The following MTUS2 variants were observed in gnomAD, a reference collection of about 807,000 sequenced individuals.
The protein encoded by MTUS2 is microtubule associated scaffold protein 2.
A neutral mutation model predicts 114.1 loss-of-function variants in MTUS2; 40 were observed. That is an observed-to-expected ratio of 0.35 (90% CI 0.27 to 0.46). MTUS2 has a LOEUF of 0.46. Among genes scored for constraint, MTUS2 ranks in the 20% least tolerant of loss-of-function variants. MTUS2 has a pLI of 1.00. For synonymous variants in MTUS2, 688 were observed against 672.0 expected, an observed-to-expected ratio of 1.02 and a Z score of -0.37; for missense variants, 1,679 against 1,705.4, an observed-to-expected ratio of 0.98 and a Z score of 0.27.
rs78919300 is a variant in MTUS2, at chr13:28,874,645, C to T, written c.-243+34795C>T. On this transcript the variant is annotated intron_variant, in intron 2 of 15. Coordinates refer to ENST00000612955, the MANE Select transcript of MTUS2 (RefSeq NM_001033602.4). ...GTTGCTGGCTCCCCAGAGAGCAAACCGTCCAAGAGGCCAAGGTAGAAGCTG... is the reference window on the plus strand; with the variant it reads ...GTTGCTGGCTCCCCAGAGAGCAAACTGTCCAAGAGGCCAAGGTAGAAGCTG... Among the ~76,000 whole-genome samples, 212 of 152,154 alleles carry T rather than the reference C, an allele frequency of 1.4e-3. No homozygotes were observed. In the East Asian group the frequency reaches 0.033, roughly 23 times the overall value.
chr13:29,215,708 T>C (rs1282578863), intron 5 of MTUS2, among the ~76,000 whole-genome samples: 1 of 152,154 alleles, frequency 6.6e-6, no homozygotes, highest in African/African-American at 2.4e-5. Context: ...TGGCAGAGGC[T>C]GCAGAACAGC....
chr13:29,032,610 A>T (rs1483252921), intron 3 of MTUS2, among the ~76,000 whole-genome samples: 1 of 152,250 alleles, frequency 6.6e-6, no homozygotes, highest in Non-Finnish European at 1.5e-5. Flanking sequence ...CTACTATAAC[A>T]GTCATGCATA....
intron 5 of MTUS2, chr13:29,242,771 A>AAC (rs1381922824): frequency 2.0e-5 from 3 of 152,230 alleles, no homozygotes; most frequent in Non-Finnish European, 4.4e-5. Context: ...AACAGCTAAC[A>AAC]TTGTTGAGTA....
rs1899058135 is a variant in MTUS2, at chr13:29,298,718, A to T, written c.2806+16853A>T. Among the ~76,000 whole-genome samples the T allele has an allele frequency of 2.6e-5, 4 of 152,334 alleles. No individual in the cohort carries two copies. In the South Asian group the frequency reaches 8.3e-4, roughly 32 times the overall value. On this transcript the variant is annotated intron_variant, in intron 6 of 15. Transcript: ENST00000612955. ...GAATTGTGGTCCTAGGTGATTTGTG[A>T]GCTTATTCTTACTGTAGCATATGAT...
chr13:29,099,232 G>T (rs1844663617), intron 4 of MTUS2, among the ~76,000 whole-genome samples: 1 of 152,200 alleles, frequency 6.6e-6, no homozygotes, highest in Non-Finnish European at 1.5e-5. Context: ...CATAGTTGAG[G>T]TTTTGTTTTT....
intron 2 of MTUS2, among the ~76,000 whole-genome samples, chr13:28,944,532 C>G (rs1188454514): frequency 1.3e-5 from 2 of 152,112 alleles, no homozygotes; most frequent in Middle Eastern, 3.2e-3. Context: ...CCTTTGTGGT[C>G]TTGTATATAA....
At chr13:29,062,147 G>A (rs1207049410) in intron 4 of MTUS2, among the ~76,000 whole-genome samples, 2 of 152,100 alleles carry the variant, frequency 1.3e-5, no homozygotes, top group Non-Finnish European at 2.9e-5. Flanking sequence ...ATCATGCCTG[G>A]CTAATTTTTG....
chr13:29,234,224 T>C lies in MTUS2; in HGVS notation c.2645-47480T>C, dbSNP rs528454390. Among the ~76,000 whole-genome samples the C allele has an allele frequency of 8.5e-5, 13 of 152,282 alleles. No individual in the cohort carries two copies. In the South Asian group the frequency reaches 2.7e-3, roughly 32 times the overall value. ...AAAGATATCTATTGAGCACCTACTA[T>C]ATTCTGTGCAGGCCAGGTGTTGGGG... On this transcript the variant is annotated intron_variant, in intron 5 of 15. Transcript: ENST00000612955.
chr13:28,966,001 T>G (rs748275277), intron 2 of MTUS2, among the ~76,000 whole-genome samples: 14 of 152,234 alleles, frequency 9.2e-5, no homozygotes, highest in Non-Finnish European at 1.6e-4. Context: ...ACCATCACAC[T>G]GGCTAACTAA....
intron 2 of MTUS2, among the ~76,000 whole-genome samples, chr13:28,930,457 G>T (rs1008770095): frequency 2.0e-5 from 3 of 152,178 alleles, no homozygotes; most frequent in Admixed American, 6.5e-5. Context: ...TGGGAGCCAG[G>T]CATTGGTCCT....
chr13:29,025,612 A>G lies in MTUS2; in HGVS notation c.914A>G (p.Lys305Arg). 6.2e-7 allele frequency: 1 copy of G among 1,614,042 alleles called. No individual in the cohort carries two copies. Among genetic ancestry groups the G allele is most frequent in the Non-Finnish European group, 8.5e-7 (1 of 1,179,886 alleles). ...SKLEAQLGQGKGEAKLDLKYV... is the reference protein window; with the variant it reads ...SKLEAQLGQGRGEAKLDLKYV... ...CTGGAAGCACAATTAGGTCAGGGAAAGGGAGAGGCCAAGCTGGATCTGAAA... is the reference window on the plus strand; with the variant it reads ...CTGGAAGCACAATTAGGTCAGGGAAGGGGAGAGGCCAAGCTGGATCTGAAA... Residue 305 changes from lysine to arginine, a missense_variant, in exon 3 of 16, where the codon AAG (lysine) becomes AGG (arginine). Physicochemically the swap from Lys to Arg is conservative, Grantham distance 26. This residue lies in a region of MTUS2 where 843 missense variants were observed against 770.8 expected (regional missense o/e 1.09). Transcript: ENST00000612955.
At chr13:28,941,785 T>C (rs1012247998) in intron 2 of MTUS2, among the ~76,000 whole-genome samples, 2 of 151,950 alleles carry the variant, frequency 1.3e-5, no homozygotes, top group African/African-American at 2.4e-5. Flanking sequence ...TCTGGAATTA[T>C]ACCGATGAGC....
intron 7 of MTUS2, among the ~76,000 whole-genome samples, chr13:29,335,167 C>T (rs551090622): frequency 6.6e-6 from 1 of 152,294 alleles, no homozygotes; most frequent in South Asian, 2.1e-4. Flanking sequence ...AGGAACATCC[C>T]TGAGAAAGAG....
Position 29,504,610 on chromosome 13 carries a change from C to T in MTUS2, c.*1404C>T. 4.3e-6 allele frequency: 1 copy of T among 233,078 alleles called. No homozygotes were observed. Among genetic ancestry groups the T allele is most frequent in the Non-Finnish European group, 8.5e-6 (1 of 117,934 alleles). 14.4% of individuals were successfully genotyped at this position (233,078 alleles called of 1,614,324 possible). A position where few individuals can be genotyped will look rare whatever the true frequency, so the allele number is the denominator to read the frequency against. On this transcript the variant is annotated 3_prime_UTR_variant, in exon 16 of 16. Coordinates refer to ENST00000612955, the MANE Select transcript of MTUS2 (RefSeq NM_001033602.4). ...CCAGCTCCTGGACTGGCATCTGTCT[C>T]TAAAATGGTAGAATTAGGATATGAA...
At chr13:29,386,605 A>T (rs1040492244) in intron 8 of MTUS2, among the ~76,000 whole-genome samples, 3 of 152,230 alleles carry the variant, frequency 2.0e-5, no homozygotes, top group African/African-American at 7.2e-5. Context: ...GAGGAGTCTA[A>T]CCAAAGTTTG....
At chr13:28,985,682 G>A (rs902478067) in intron 2 of MTUS2, among the ~76,000 whole-genome samples, 4 of 151,936 alleles carry the variant, frequency 2.6e-5, no homozygotes, top group Non-Finnish European at 5.9e-5. Flanking sequence ...CCTAGGCCAC[G>A]ATGCCCGGAT....
chr13:28,978,814 A>G (rs903018854), intron 2 of MTUS2, among the ~76,000 whole-genome samples: 3 of 152,118 alleles, frequency 2.0e-5, no homozygotes, highest in African/African-American at 7.2e-5. Flanking sequence ...AGTGGACTCT[A>G]CACTATCTGC....
intron 6 of MTUS2, among the ~76,000 whole-genome samples, chr13:29,310,223 C>T (rs994049116): frequency 1.3e-4 from 20 of 152,168 alleles, no homozygotes; most frequent in Admixed American, 6.5e-5. Flanking sequence ...CTATTTTACA[C>T]AGGAGGAAAC....
At chr13:29,103,128 G>T (rs1303208665) in intron 5 of MTUS2, among the ~76,000 whole-genome samples, 2 of 152,156 alleles carry the variant, frequency 1.3e-5, no homozygotes, top group Non-Finnish European at 2.9e-5. Flanking sequence ...AAGGAATACT[G>T]CTGTAATTAG....
Sources: gnomAD v4.1 joint callset for allele counts (sites outside exome capture counted in the v4.1 genomes callset) on GRCh38, gnomAD v4.1.1 for gene constraint, gnomAD v4.1.1 regional missense constraint, MANE v1.5 for transcripts, NCBI Gene and HGNC (gene_info 2026-07-23, HGNC 2026-07-21) for gene names.